PEBP4: variants seen among roughly 807,000 people sequenced by gnomAD.
The protein encoded by PEBP4 is phosphatidylethanolamine binding protein 4, also known as phosphatidylethanolamine-binding protein 4.
A neutral mutation model predicts 23.9 loss-of-function variants in PEBP4; 22 were observed. The observed-to-expected ratio is 0.92, with a 90% confidence interval of 0.66 to 1.31. PEBP4 has a LOEUF of 1.31. Among genes scored for constraint, PEBP4 ranks in the 40% most tolerant of loss-of-function variants. The pLI, the probability that PEBP4 is intolerant of heterozygous loss-of-function variation, is 0.00. For synonymous variants in PEBP4, 112 were observed against 99.3 expected (o/e 1.13, Z -0.76); for missense variants, 324 against 281.7 (o/e 1.15, Z -1.07).
intron 3 of PEBP4, among the ~76,000 whole-genome samples, chr8:22,834,152 G>A (rs368403200): frequency 2.0e-5 from 3 of 152,216 alleles, no homozygotes; most frequent in East Asian, 3.8e-4. Context: ...GTCGCCCTGC[G>A]CTCCCACTAT....
chr8:22,723,982 C>G (rs976399336), intron 6 of PEBP4, among the ~76,000 whole-genome samples: 1 of 152,236 alleles, frequency 6.6e-6, no homozygotes, highest in Non-Finnish European at 1.5e-5. Flanking sequence ...GCTGACGACA[C>G]CCACCCTCCC....
chr8:22,879,805 T>C (rs1199200565), intron 3 of PEBP4, among the ~76,000 whole-genome samples: 1 of 152,138 alleles, frequency 6.6e-6, no homozygotes, highest in African/African-American at 2.4e-5. Flanking sequence ...GATCTAAGCA[T>C]TGATCGATGG....
At chr8:22,879,653 AG>A (rs1247045590) in intron 3 of PEBP4, among the ~76,000 whole-genome samples, 2 of 152,170 alleles carry the variant, frequency 1.3e-5, no homozygotes, top group Non-Finnish European at 2.9e-5. Flanking sequence ...ACGAGGGTCG[AG>A]GGTCGGGGAG....
intron 3 of PEBP4, among the ~76,000 whole-genome samples, chr8:22,870,012 C>G (rs1015921775): frequency 5.3e-5 from 8 of 152,180 alleles, no homozygotes; most frequent in Admixed American, 3.9e-4. Flanking sequence ...TCTCACAAAA[C>G]TAAGCATACT....
rs754912133 is a variant in PEBP4 at position 22,749,802 on chromosome 8, A to ATTTTTTTTTTTTTTT, written c.358-22583_358-22582insAAAAAAAAAAAAAAA. Among the ~76,000 whole-genome samples the ATTTTTTTTTTTTTTT allele has an allele frequency of 3.4e-4, 14 of 41,584 alleles. 1 individual carries two copies. The highest frequency in any genetic ancestry group is 9.0e-4 in the Non-Finnish European group (14 of 15,594). 27.3% of individuals were successfully genotyped at this position (41,584 alleles called of 152,430 possible). A position where few individuals can be genotyped will look rare whatever the true frequency, so the allele number is the denominator to read the frequency against. ...CACCTCTCCTGATTCTCAGTTTGTC[A>ATTTTTTTTTTTTTTT]TTCTTTTTTTTTTTTTTTTTTGAGA... On this transcript the variant is annotated intron_variant, in intron 4 of 6. Coordinates refer to ENST00000256404, the MANE Select transcript of PEBP4 (RefSeq NM_144962.3).
chr8:22,860,209 C>CATATATATGTATATATATATATACAT (rs200272561), intron 3 of PEBP4, among the ~76,000 whole-genome samples: 1 of 106,202 alleles, frequency 9.4e-6, no homozygotes, highest in African/African-American at 4.1e-5. Flanking sequence ...TATATATACA[C>CATATATATGTATATATATATATACAT]ATATATGTAT....
intron 3 of PEBP4, among the ~76,000 whole-genome samples, chr8:22,868,695 C>T (rs184669041): frequency 6.6e-6 from 1 of 152,254 alleles, no homozygotes; most frequent in East Asian, 1.9e-4. Flanking sequence ...ATTTTTGCAT[C>T]ATCTAGGATT....
chr8:22,919,309 G>A lies in PEBP4; in HGVS notation c.258+875C>T, dbSNP rs544406269. On this transcript the variant is annotated intron_variant, in intron 3 of 6. Coordinates refer to ENST00000256404, the MANE Select transcript of PEBP4 (RefSeq NM_144962.3). Reference sequence around the variant, plus strand: ...GTGTGCTTGGTCACATCCCGGCCACGACCCTTCCATCTCCAGGCATTTGTG... The same window carrying A: ...GTGTGCTTGGTCACATCCCGGCCACAACCCTTCCATCTCCAGGCATTTGTG... Among the ~76,000 whole-genome samples the A allele has an allele frequency of 1.2e-4, 19 of 152,232 alleles. No homozygotes were observed. In the South Asian group the frequency reaches 3.5e-3, roughly 28 times the overall value.
chr8:22,791,393 C>T (rs1175570693), intron 4 of PEBP4, among the ~76,000 whole-genome samples: 1 of 152,128 alleles, frequency 6.6e-6, no homozygotes, highest in Non-Finnish European at 1.5e-5. Flanking sequence ...ATGCTCAACC[C>T]TCTCTCAAAT....
intron 4 of PEBP4, among the ~76,000 whole-genome samples, chr8:22,740,468 T>TA (rs1804965260): frequency 6.6e-6 from 1 of 152,142 alleles, no homozygotes; most frequent in Admixed American, 6.5e-5. Context: ...AGCTTCCTCT[T>TA]AACAAGAACC....
intron 3 of PEBP4, among the ~76,000 whole-genome samples, chr8:22,917,762 G>A (rs564779988): frequency 6.6e-6 from 1 of 152,316 alleles, no homozygotes; most frequent in South Asian, 2.1e-4. Flanking sequence ...GTCACTGCTA[G>A]GTTCAGGGAT....
At chr8:22,837,179 C>A (rs768495235) in intron 3 of PEBP4, among the ~76,000 whole-genome samples, 12 of 152,200 alleles carry the variant, frequency 7.9e-5, no homozygotes. Context: ...CACCCTTGAG[C>A]GAGGTCTGCG....
In PEBP4 at chr8:22,769,220, G is replaced by T. The variant is rs1211703592; in HGVS notation, c.358-42000C>A. 8.5e-5 allele frequency among the ~76,000 whole-genome samples: 13 copies of T among 152,296 alleles called. No individual in the cohort carries two copies. In the East Asian group the frequency reaches 2.5e-3, roughly 29 times the overall value. On this transcript the variant is annotated intron_variant, in intron 4 of 6. Transcript: ENST00000256404. ...CCTCACGCTCCCTGGGCACGCCATTGAGGTTGCTCCTGGGTTCCTGCCTCC... is the reference window on the plus strand; with the variant it reads ...CCTCACGCTCCCTGGGCACGCCATTTAGGTTGCTCCTGGGTTCCTGCCTCC...
At chr8:22,831,231 T>C (rs1807078548) in intron 3 of PEBP4, among the ~76,000 whole-genome samples, 1 of 152,222 alleles carries the variant, frequency 6.6e-6, no homozygotes, top group Admixed American at 6.5e-5. Context: ...TTATGTTCCT[T>C]TGTTAATCAT....
chr8:22,842,789 C>A (rs962993737), intron 3 of PEBP4, among the ~76,000 whole-genome samples: 2 of 152,142 alleles, frequency 1.3e-5, no homozygotes, highest in Admixed American at 6.5e-5. Context: ...CTGTTGCCAT[C>A]TGGAAATTCT....
intron 4 of PEBP4, among the ~76,000 whole-genome samples, chr8:22,786,940 C>A (rs930452109): frequency 1.8e-4 from 27 of 152,112 alleles, no homozygotes; most frequent in African/African-American, 6.5e-4. Flanking sequence ...CCCACTTCAG[C>A]CTCCTGAGTA....
At position 22,767,048 on chromosome 8, in the gene PEBP4, G is replaced by A. The variant is rs546825219; in HGVS notation, c.358-39828C>T. Among the ~76,000 whole-genome samples the A allele has an allele frequency of 1.7e-4, 26 of 152,320 alleles. No homozygotes were observed. The East Asian group carries it at 4.8e-3, about 28-fold the overall frequency. On this transcript the variant is annotated intron_variant, in intron 4 of 6. Transcript: ENST00000256404. Reference sequence around the variant, plus strand: ...AAGTGCCTGGGTGAGACCTGCTTCCGGTTCCTCTTTAAGCCATACGAAGGG... The same window carrying A: ...AAGTGCCTGGGTGAGACCTGCTTCCAGTTCCTCTTTAAGCCATACGAAGGG...
chr8:22,772,493 C>CTCTT (rs758553077), intron 4 of PEBP4, among the ~76,000 whole-genome samples: 13 of 121,630 alleles, frequency 1.1e-4, no homozygotes, highest in Non-Finnish European at 1.7e-4. Flanking sequence ...CTCTCTCTCT[C>CTCTT]TTTTTTTTTT....
At chr8:22,880,894 G>A (rs1408735470) in intron 3 of PEBP4, among the ~76,000 whole-genome samples, 1 of 152,228 alleles carries the variant, frequency 6.6e-6, no homozygotes. Flanking sequence ...CAAAGAAGGG[G>A]AAGCACGGGG....
Sources: allele counts gnomAD v4.1 joint callset (sites outside exome capture counted in the v4.1 genomes callset), GRCh38; gene constraint gnomAD v4.1.1; transcripts MANE v1.5; gene names NCBI Gene and HGNC (gene_info 2026-07-23, HGNC 2026-07-21).